ADD3: variants seen among roughly 807,000 people sequenced by gnomAD.
The protein encoded by ADD3 is gamma-adducin.
In ADD3, 25 loss-of-function variants were observed where a neutral mutation model predicts 80.2. The observed-to-expected ratio is 0.31, with a 90% CI of 0.23 to 0.44. ADD3 has a LOEUF of 0.44. Among genes scored for constraint, ADD3 ranks in the 20% least tolerant of loss-of-function variants. The pLI, the probability that ADD3 is intolerant of heterozygous loss-of-function variation, is 1.00. For missense variants in ADD3, 829 were observed against 847.5 expected (o/e 0.98, Z 0.27); for synonymous variants, 284 against 289.6 (o/e 0.98, Z 0.20).
chr10:109,998,229 A>G (rs1851417904), intron 1 of ADD3, among the ~76,000 whole-genome samples: 1 of 152,236 alleles, frequency 6.6e-6, no homozygotes, highest in Non-Finnish European at 1.5e-5. Context: ...CTTCTTCTCA[A>G]GTCTTCTCTG....
chr10:110,105,939 A>G (rs1849352869), intron 2 of ADD3: 1 of 152,202 alleles, frequency 6.6e-6, no homozygotes, highest in African/African-American at 2.4e-5. Context: ...CAAGACTTAG[A>G]TACAGAAGAA....
intron 1 of ADD3, among the ~76,000 whole-genome samples, chr10:110,066,567 A>G (rs1455074482): frequency 6.6e-6 from 1 of 151,928 alleles, no homozygotes; most frequent in Non-Finnish European, 1.5e-5. Context: ...CTGTTAAGGG[A>G]TAGATTTTTT....
intron 8 of ADD3, among the ~76,000 whole-genome samples, chr10:110,120,208 A>C: frequency 1.5e-5 from 2 of 137,006 alleles, no homozygotes; most frequent in East Asian, 2.3e-4. Flanking sequence ...ATATCTCCCA[A>C]TGCTATCCCT....
intron 4 of ADD3, 84 bp downstream of exon 4, chr10:110,116,494 C>T (rs1389134089): frequency 3.6e-6 from 5 of 1,390,538 alleles, no homozygotes; most frequent in Non-Finnish European, 4.0e-6. Flanking sequence ...CCTGGAAGTC[C>T]AGTTTTCAGA....
chr10:110,126,271 T>C, intron 11 of ADD3, 146 bp from the exon 12 acceptor site: 1 of 638,722 alleles, frequency 1.6e-6, no homozygotes, highest in Non-Finnish European at 2.7e-6. Context: ...GTTGTTAGGA[T>C]GGTAAAAGAG....
At position 110,130,275 on chromosome 10, in the gene ADD3, T is replaced by G; in HGVS notation, c.1609-88T>G. On this transcript the variant is annotated intron_variant, in intron 12 of 14. Coordinates refer to ENST00000356080, the MANE Select transcript of ADD3 (RefSeq NM_016824.5). ...AATAAGGCTTCACAAACATCATATT[T>G]GCATTTATGTGTATATAGATGGATG... 3 of 1,300,904 alleles carry G rather than the reference T, an allele frequency of 2.3e-6. No homozygotes were observed. The Admixed American group carries it at 5.9e-5, about 26-fold the overall frequency. The allele number at this position is 1,300,904 out of a possible 1,614,324, so 80.6% of individuals were successfully genotyped here. A position where few individuals can be genotyped will look rare whatever the true frequency, so the allele number is the denominator to read the frequency against.
chr10:110,010,524 G>T (rs547084969), intron 1 of ADD3, among the ~76,000 whole-genome samples: 4 of 152,144 alleles, frequency 2.6e-5, no homozygotes, highest in Non-Finnish European at 5.9e-5. Flanking sequence ...AGTGCTTTTT[G>T]TGTTTATCAT....
upstream of ADD3, among the ~76,000 whole-genome samples, chr10:110,003,302 G>GTGTGTGTGTGTGTGTGTGT: frequency 6.8e-6 from 1 of 147,030 alleles, no homozygotes; most frequent in African/African-American, 2.6e-5. Context: ...GAACAGTAAG[G>GTGTGTGTGTGTGTGTGTGT]GTGTGTGTGT....
chr10:110,116,645 T>C (rs1039496239), intron 4 of ADD3, among the ~76,000 whole-genome samples: 1 of 152,226 alleles, frequency 6.6e-6, no homozygotes, highest in Non-Finnish European at 1.5e-5. Context: ...TCAGACCAAC[T>C]GTAGAATCTA....
intron 1 of ADD3, among the ~76,000 whole-genome samples, chr10:110,072,279 A>G (rs1844819681): frequency 6.6e-6 from 1 of 152,052 alleles, no homozygotes; most frequent in African/African-American, 2.4e-5. Flanking sequence ...GTTAGCCAGG[A>G]TGGTCTCAAT....
chr10:110,109,165 C>T (rs1003952451), intron 2 of ADD3, among the ~76,000 whole-genome samples: 2 of 152,126 alleles, frequency 1.3e-5, no homozygotes, highest in African/African-American at 2.4e-5. Flanking sequence ...TTTCTCATCC[C>T]ACCCAGCAGA....
At chr10:110,083,532 T>G (rs1229618699) in intron 1 of ADD3, among the ~76,000 whole-genome samples, 3 of 150,154 alleles carry the variant, frequency 2.0e-5, no homozygotes, top group East Asian at 1.9e-4. Flanking sequence ...AAAAAGAAAA[T>G]AGAAGAAGAA....
At chr10:110,035,301 C>T (rs1472979564) in intron 1 of ADD3, among the ~76,000 whole-genome samples, 1 of 152,082 alleles carries the variant, frequency 6.6e-6, no homozygotes, top group African/African-American at 2.4e-5. Flanking sequence ...ATTGATATTC[C>T]CTTTCCACCC....
chr10:110,066,464 A>T (rs1235994911), intron 1 of ADD3, among the ~76,000 whole-genome samples: 3 of 151,980 alleles, frequency 2.0e-5, no homozygotes, highest in Non-Finnish European at 4.4e-5. Context: ...CGATCTCCTG[A>T]CCTCGTGATC....
intron 1 of ADD3, among the ~76,000 whole-genome samples, chr10:110,079,976 T>A (rs951030741): frequency 6.6e-6 from 1 of 152,224 alleles, no homozygotes; most frequent in Non-Finnish European, 1.5e-5. Flanking sequence ...GACGTACTTA[T>A]GCTATCAGTC....
rs992631373 is a variant in ADD3 at position 110,133,734 on chromosome 10, G to A, written c.*116G>A. Reference sequence around the variant, plus strand: ...TCAGATTGGGGGATGTAGCAAACTGGACTTTAAGAACTGGAAAGAGGTTTT... The same window carrying A: ...TCAGATTGGGGGATGTAGCAAACTGAACTTTAAGAACTGGAAAGAGGTTTT... On this transcript the variant is annotated 3_prime_UTR_variant, in exon 15 of 15. Transcript: ENST00000356080. 15 of 837,530 alleles carry A rather than the reference G, an allele frequency of 1.8e-5. No homozygotes were observed. In the African/African-American group the frequency reaches 2.7e-4, roughly 15 times the overall value. 51.9% of individuals were successfully genotyped at this position (837,530 alleles called of 1,614,324 possible).
rs532722502 is a variant in ADD3 at position 110,131,042 on chromosome 10, A to G, written c.1732+556A>G. On this transcript the variant is annotated intron_variant, in intron 13 of 14. Coordinates refer to ENST00000356080, the MANE Select transcript of ADD3 (RefSeq NM_016824.5). ...AACTCTCTTAATTTTAAATAATTAC[A>G]GATTCATAAGTATGTAGTTTTGATG... 7.9e-4 allele frequency among the ~76,000 whole-genome samples: 120 copies of G among 152,296 alleles called. 1 individual carries two copies. Among genetic ancestry groups the G allele is most frequent in the African/African-American group, 2.8e-3 (117 of 41,566 alleles).
intron 1 of ADD3, among the ~76,000 whole-genome samples, chr10:110,061,366 G>C (rs1219219996): frequency 2.0e-5 from 3 of 152,118 alleles, no homozygotes; most frequent in African/African-American, 7.2e-5. Context: ...TTTTTTGGGT[G>C]GAGTGGTGGT....
intron 1 of ADD3, among the ~76,000 whole-genome samples, chr10:110,045,472 C>G (rs1050953574): frequency 1.3e-5 from 2 of 152,176 alleles, no homozygotes; most frequent in Non-Finnish European, 2.9e-5. Flanking sequence ...TAAATTTTAT[C>G]TCCTTATAGT....
Sources: allele counts gnomAD v4.1 joint callset (sites outside exome capture counted in the v4.1 genomes callset), GRCh38; gene constraint gnomAD v4.1.1; transcripts MANE v1.5; gene names NCBI Gene and HGNC (gene_info 2026-07-23, HGNC 2026-07-21).